Variants in AKAP19 observed in about 807,000 individuals in gnomAD.
The protein encoded by AKAP19 is small A-kinase anchoring protein.
the AKAP19 span, among the ~76,000 whole-genome samples, chr2:189,963,985 G>A: frequency 6.6e-6 from 1 of 151,962 alleles, no homozygotes; most frequent in Non-Finnish European, 1.5e-5. Context: ...AAACTCCCAG[G>A]CTCAAGCCAT....
chr2:190,056,985 G>C, the AKAP19 span: 5,184 of 362,862 alleles, frequency 0.014, 63 homozygotes, highest in Non-Finnish European at 0.02. Flanking sequence ...TTTCCTCGCC[G>C]ATGTTGTAAT....
the AKAP19 span, among the ~76,000 whole-genome samples, chr2:189,986,451 T>G: frequency 6.7e-6 from 1 of 149,926 alleles, no homozygotes; most frequent in South Asian, 2.1e-4. Flanking sequence ...GGTCCCTGAA[T>G]GACTAAGTAG....
chr2:190,007,027 G>GA, the AKAP19 span, among the ~76,000 whole-genome samples: 613 of 152,008 alleles, frequency 4.0e-3, 11 homozygotes, highest in Non-Finnish European at 3.4e-3. Flanking sequence ...CTCAAAAGAA[G>GA]AAAAAAAGAA....
At chr2:190,191,843 T>C in the AKAP19 span, among the ~76,000 whole-genome samples, 6 of 152,344 alleles carry the variant, frequency 3.9e-5, no homozygotes, top group African/African-American at 1.2e-4. Context: ...TTGATACTTA[T>C]ATATTCTGGA....
At chr2:189,943,839 T>C in the AKAP19 span, among the ~76,000 whole-genome samples, 1 of 152,226 alleles carries the variant, frequency 6.6e-6, no homozygotes, top group East Asian at 1.9e-4. Flanking sequence ...CCTGCAGCGT[T>C]ATGAACTTCC....
the AKAP19 span, among the ~76,000 whole-genome samples, chr2:190,109,373 G>A: frequency 1.3e-5 from 2 of 151,560 alleles, no homozygotes; most frequent in Non-Finnish European, 2.9e-5. Context: ...TTCTGACAGT[G>A]TCAGAAAGAG....
At chr2:190,161,808 A>C in the AKAP19 span, among the ~76,000 whole-genome samples, 2 of 152,146 alleles carry the variant, frequency 1.3e-5, no homozygotes, top group Non-Finnish European at 1.5e-5. Flanking sequence ...CCTCTCAGCC[A>C]CGAAAAAGAA....
the AKAP19 span, among the ~76,000 whole-genome samples, chr2:190,115,303 T>A: frequency 0.11 from 561 of 5,154 alleles, 1 homozygote; most frequent in South Asian, 0.2. Flanking sequence ...ATATATATAT[T>A]TTTTTTTTTT....
the AKAP19 span, chr2:189,923,691 ATTATG>A: frequency 6.2e-7 from 1 of 1,613,914 alleles, no homozygotes; most frequent in Non-Finnish European, 8.5e-7. Context: ...CAACGGGACT[ATTATG>A]ATAGGATGTA....
chr2:190,058,422 T>G, the AKAP19 span, among the ~76,000 whole-genome samples: 9 of 151,982 alleles, frequency 5.9e-5, no homozygotes, highest in Non-Finnish European at 1.3e-4. Flanking sequence ...TAAATGAAAA[T>G]AGCTCTGGCA....
chr2:190,057,275 G>A, the AKAP19 span: 52 of 1,613,032 alleles, frequency 3.2e-5, no homozygotes, highest in Middle Eastern at 1.6e-4. Context: ...CACCCACAGC[G>A]GTCTACTACC....
chr2:190,034,559 A>AC, the AKAP19 span, among the ~76,000 whole-genome samples: 71 of 150,382 alleles, frequency 4.7e-4, 1 homozygote, highest in African/African-American at 1.7e-3. Context: ...AAAAAAAAAA[A>AC]ATTGGCCAGG....
the AKAP19 span, among the ~76,000 whole-genome samples, chr2:190,069,207 A>G: frequency 6.6e-6 from 1 of 150,774 alleles, no homozygotes; most frequent in Admixed American, 6.6e-5. Context: ...AGAGCAAGGC[A>G]AAGACAGATC....
chr2:190,170,193 A>G, the AKAP19 span, among the ~76,000 whole-genome samples: 1 of 152,206 alleles, frequency 6.6e-6, no homozygotes, highest in South Asian at 2.1e-4. Context: ...CACTAATTCC[A>G]TCCTGAGGGC....
the AKAP19 span, among the ~76,000 whole-genome samples, chr2:189,997,755 G>C: frequency 2.6e-5 from 4 of 152,148 alleles, no homozygotes; most frequent in Non-Finnish European, 4.4e-5. Context: ...CCACACAATG[G>C]GTGGTGGTCT....
the AKAP19 span, among the ~76,000 whole-genome samples, chr2:189,911,856 T>TA: frequency 6.6e-6 from 1 of 152,032 alleles, no homozygotes; most frequent in Non-Finnish European, 1.5e-5. Flanking sequence ...TAATATTTCT[T>TA]AAAAAGCTCT....
chr2:190,051,386 C>T, the AKAP19 span, among the ~76,000 whole-genome samples: 1 of 152,192 alleles, frequency 6.6e-6, no homozygotes, highest in Non-Finnish European at 1.5e-5. Context: ...ATTCCAGCCA[C>T]TGTCACAATC....
At chr2:190,004,589 T>TA in the AKAP19 span, among the ~76,000 whole-genome samples, 1 of 151,992 alleles carries the variant, frequency 6.6e-6, no homozygotes, top group African/African-American at 2.4e-5. Context: ...TTTTATTTTT[T>TA]TTTTTTGAGA....
At chr2:190,197,147 C>G in the AKAP19 span, among the ~76,000 whole-genome samples, 2 of 152,148 alleles carry the variant, frequency 1.3e-5, no homozygotes, top group Non-Finnish European at 2.9e-5. This position sits in a 1 kb window ranked among gnomAD's most constrained non-coding sequence, Gnocchi z 4.0. Flanking sequence ...AATACCATCA[C>G]GTTGGGGATT....
Sources: allele counts gnomAD v4.1 joint callset (sites outside exome capture counted in the v4.1 genomes callset), GRCh38; gene constraint gnomAD v4.1.1; non-coding constraint Gnocchi (gnomAD v3.1); transcripts MANE v1.5; gene names NCBI Gene and HGNC (gene_info 2026-07-23, HGNC 2026-07-21).